The following SAMD5 variants were observed in gnomAD, a reference collection of about 807,000 sequenced individuals.
SAMD5 encodes the protein sterile alpha motif domain-containing protein 5.
Under a neutral mutation model 11.3 loss-of-function variants are expected in SAMD5, and 13 were observed. That is an observed-to-expected ratio of 1.15 (90% CI 0.75 to 1.83). The LOEUF (loss-of-function observed/expected upper bound fraction) is 1.83, where lower values mean the gene tolerates loss of function less well. SAMD5 is among the 40% of genes most tolerant of loss of function. SAMD5 has a pLI of 0.00. For synonymous variants in SAMD5, 129 were observed against 111.3 expected (o/e 1.16, Z -1.00); for missense variants, 255 against 239.1 (o/e 1.07, Z -0.44).
intron 1 of SAMD5, among the ~76,000 whole-genome samples, chr6:147,606,481 A>G (rs1244221587): frequency 2.0e-5 from 3 of 151,544 alleles, no homozygotes; most frequent in Non-Finnish European, 2.9e-5. Context: ...AATAATCTTT[A>G]TGTCTGCATG....
the SAMD5 span, among the ~76,000 whole-genome samples, chr6:147,944,435 T>G: frequency 6.6e-6 from 1 of 152,278 alleles, no homozygotes; most frequent in Non-Finnish European, 1.5e-5. Flanking sequence ...TCAGATCTCA[T>G]GACACTTATT....
chr6:147,649,997 G>A (rs1295751058), intron 1 of SAMD5, among the ~76,000 whole-genome samples: 4 of 152,138 alleles, frequency 2.6e-5, no homozygotes, highest in Non-Finnish European at 5.9e-5. Context: ...ATAATTTATT[G>A]CCTACATCTG....
In SAMD5 at chr6:147,588,896, C is replaced by G. The variant is rs371075387; in HGVS notation, c.162+79509C>G. Among the ~76,000 whole-genome samples the G allele has an allele frequency of 1.7e-4, 26 of 152,208 alleles. No homozygotes were observed. In the South Asian group the frequency reaches 3.7e-3, roughly 22 times the overall value. ...AATTCGTGAAATACGGTTATGATTT[C>G]ATGTTACAGACAGCCTTGCTGGGGG... On this transcript the variant is annotated intron_variant, in intron 1 of 1. Coordinates refer to the SAMD5 transcript ENST00000566741.
chr6:147,655,522 G>A (rs1008365955), intron 1 of SAMD5, among the ~76,000 whole-genome samples: 2 of 152,032 alleles, frequency 1.3e-5, no homozygotes. Flanking sequence ...AAACAAATCT[G>A]TACACAGAGA....
chr6:147,924,859 C>T, the SAMD5 span, among the ~76,000 whole-genome samples: 1 of 151,518 alleles, frequency 6.6e-6, no homozygotes, highest in African/African-American at 2.4e-5. Context: ...TACTTTCAAC[C>T]CCATCTCCTA....
At chr6:147,763,612 G>A in the SAMD5 span, among the ~76,000 whole-genome samples, 1 of 151,490 alleles carries the variant, frequency 6.6e-6, no homozygotes, top group Non-Finnish European at 1.5e-5. Flanking sequence ...ACAGAGCCTT[G>A]CTCTGTCGCC....
chr6:147,564,412 C>A lies in SAMD5; in HGVS notation c.478C>A (p.Leu160Ile), dbSNP rs1192936733. Residue 160 changes from leucine (L) to isoleucine (I), a missense_variant, in exon 2 of 2, where the codon CTA (leucine) becomes ATA (isoleucine). Coordinates refer to ENST00000367474, the MANE Select transcript of SAMD5 (RefSeq NM_001030060.3). ...TCCACAGGTCCCAATGGCTGGCATC[C>A]TAGAGTACTTAATGAATTGGCCGAA... is the stretch of plus-strand genomic sequence containing the variant. ...YSRKVPMAGI[L>I]EYLMNWPKSS... The A allele has an allele frequency of 1.3e-6, 1 of 780,796 alleles. No individual in the cohort carries two copies. The allele number at this position is 780,796 out of a possible 1,614,324, so 48.4% of individuals were successfully genotyped here.
the SAMD5 span, among the ~76,000 whole-genome samples, chr6:147,918,127 T>C: frequency 3.9e-5 from 6 of 152,222 alleles, no homozygotes; most frequent in African/African-American, 7.2e-5. Context: ...GGGATGGCAT[T>C]GAATCAATCT....
chr6:147,524,734 G>A (rs1788310405), intron 1 of SAMD5, among the ~76,000 whole-genome samples: 2 of 152,214 alleles, frequency 1.3e-5, no homozygotes, highest in Admixed American at 1.3e-4. Flanking sequence ...GTTGGGAGAA[G>A]CTTCATGCTG....
At position 147,706,706 on chromosome 6, in the gene SAMD5, A is replaced by G. The variant is rs548202548; in HGVS notation, c.163-30611A>G. 3.5e-4 allele frequency among the ~76,000 whole-genome samples: 53 copies of G among 152,312 alleles called. No individual in the cohort carries two copies. The South Asian group carries it at 9.5e-3, about 27-fold the overall frequency. On this transcript the variant is annotated intron_variant, in intron 1 of 1. Coordinates refer to the SAMD5 transcript ENST00000566741. ...ACAGGGCTAACTGCAGGACTTGAGT[A>G]TGCGTGGATTTTGCTATATGCAGGG...
chr6:147,740,722 A>T (rs376196965), downstream of SAMD5, among the ~76,000 whole-genome samples: 10 of 152,334 alleles, frequency 6.6e-5, no homozygotes, highest in African/African-American at 2.4e-4. Flanking sequence ...TTCCCTATAT[A>T]CCTAGTTGAA....
At chr6:147,899,170 CAAAAAAAA>C in the SAMD5 span, among the ~76,000 whole-genome samples, 13 of 62,614 alleles carry the variant, frequency 2.1e-4, no homozygotes, top group Admixed American at 8.0e-4. Flanking sequence ...GACTCTGTCT[CAAAAAAAA>C]AAAAAAAAAA....
At chr6:147,941,852 G>A in the SAMD5 span, among the ~76,000 whole-genome samples, 19 of 132,714 alleles carry the variant, frequency 1.4e-4, no homozygotes, top group South Asian at 2.9e-4. Flanking sequence ...GTGTGAAGTT[G>A]GTTTGTTTGT....
In SAMD5 at chr6:147,565,097, A is replaced by G; in HGVS notation, c.*641A>G. The G allele has an allele frequency of 8.1e-6, 8 of 984,654 alleles. No homozygotes were observed. Among genetic ancestry groups the G allele is most frequent in the Middle Eastern group, 5.2e-4 (1 of 1,914 alleles). The allele number at this position is 984,654 out of a possible 1,614,324, so 61.0% of individuals were successfully genotyped here. A position where few individuals can be genotyped will look rare whatever the true frequency, so the allele number is the denominator to read the frequency against. ...CACCAAGAGAGGACAATTTCTTCTA[A>G]CTTCTCTTTTTAAATTTAATCTGGC... On this transcript the variant is annotated 3_prime_UTR_variant, in exon 2 of 2. Coordinates refer to ENST00000367474, the MANE Select transcript of SAMD5 (RefSeq NM_001030060.3).
the SAMD5 span, among the ~76,000 whole-genome samples, chr6:147,933,607 G>C: frequency 6.6e-6 from 1 of 151,752 alleles, no homozygotes; most frequent in South Asian, 2.1e-4. Flanking sequence ...GTTAGACTGA[G>C]GTGTTGTTTT....
At chr6:147,574,685 G>T (rs1259826975), downstream of SAMD5, among the ~76,000 whole-genome samples, 4 of 152,194 alleles carry the variant, frequency 2.6e-5, no homozygotes, top group African/African-American at 9.7e-5. Context: ...TCTGGTGAGG[G>T]TTGCATTCTC....
chr6:147,946,122 C>T, the SAMD5 span, among the ~76,000 whole-genome samples: 15 of 152,280 alleles, frequency 9.9e-5, no homozygotes, highest in African/African-American at 3.6e-4. Context: ...TCATATACAA[C>T]CTGATATGTC....
chr6:147,706,101 CGTGTTGT>C (rs1487897055), intron 1 of SAMD5, among the ~76,000 whole-genome samples: 4 of 151,922 alleles, frequency 2.6e-5, no homozygotes, highest in African/African-American at 9.7e-5. Flanking sequence ...GTCTGTGTTG[CGTGTTGT>C]GTGTTGTGTG....
the SAMD5 span, among the ~76,000 whole-genome samples, chr6:147,936,950 G>A: frequency 2.0e-5 from 3 of 152,144 alleles, no homozygotes; most frequent in East Asian, 5.8e-4. Flanking sequence ...CAGGGACTGT[G>A]TAAATGTGAG....
Sources: allele counts gnomAD v4.1 joint callset (sites outside exome capture counted in the v4.1 genomes callset), GRCh38; gene constraint gnomAD v4.1.1; transcripts MANE v1.5; gene names NCBI Gene and HGNC (gene_info 2026-07-23, HGNC 2026-07-21).